The following CD48 variants were observed in gnomAD, a reference collection of about 807,000 sequenced individuals.
CD48 encodes the protein CD48 molecule.
CD48 carries 20 observed loss-of-function variants against 22.0 expected under a neutral mutation model. That is an observed-to-expected ratio of 0.91 (90% CI 0.64 to 1.32). CD48 has a LOEUF of 1.32. CD48 is among the 40% of genes most tolerant of loss of function. The probability of loss-of-function intolerance (pLI) is 0.00; values close to 1 mark genes in which losing one functional copy is unlikely to be tolerated. For missense variants in CD48, 307 were observed against 286.5 expected, an observed-to-expected ratio of 1.07 and a Z score of -0.52; for synonymous variants, 110 against 110.1, an observed-to-expected ratio of 1.00 and a Z score of 0.01.
At chr1:160,691,690 C>T (rs561436077) in intron 1 of CD48, 1 of 278,248 alleles carries the variant, frequency 3.6e-6, no homozygotes, top group Non-Finnish European at 6.6e-6. Flanking sequence ...TTTTTCTTTT[C>T]CAAGTCTCTC....
rs995541738 is a variant in CD48 at position 160,687,435 on chromosome 1, C to T, written c.83-2246G>A. Among the ~76,000 whole-genome samples the T allele has an allele frequency of 2.0e-5, 3 of 152,250 alleles. No homozygotes were observed. In the South Asian group the frequency reaches 6.2e-4, roughly 32 times the overall value. ...GCATAGGAAATCACAAGGGTATTGA[C>T]TGGGGAAGTGATAAGTGTCCATGAA... is the stretch of plus-strand genomic sequence containing the variant. On this transcript the variant is annotated intron_variant, in intron 1 of 3. Transcript: ENST00000368046.
intron 1 of CD48, chr1:160,692,103 T>TA (rs1662242894): frequency 6.5e-6 from 1 of 154,438 alleles, no homozygotes; most frequent in Admixed American, 6.5e-5. Context: ...AACAAGCAGG[T>TA]AGGAAGGGTA....
intron 1 of CD48, among the ~76,000 whole-genome samples, chr1:160,689,586 CAGG>C (rs1190813256): frequency 6.6e-6 from 1 of 152,136 alleles, no homozygotes; most frequent in Non-Finnish European, 1.5e-5. Context: ...GAAAAGTAAT[CAGG>C]AGAAGTGGGA....
intron 2 of CD48, among the ~76,000 whole-genome samples, chr1:160,682,739 G>A (rs1355406795): frequency 1.3e-5 from 2 of 152,168 alleles, no homozygotes; most frequent in East Asian, 3.9e-4. Flanking sequence ...TTTTTGAAGA[G>A]TGTAAGTATT....
intron 1 of CD48, among the ~76,000 whole-genome samples, chr1:160,710,543 G>A (rs565593973): frequency 6.6e-6 from 1 of 152,346 alleles, no homozygotes; most frequent in South Asian, 2.1e-4. Flanking sequence ...AAGGTCAACT[G>A]TCAGGATGTT....
intron 1 of CD48, among the ~76,000 whole-genome samples, chr1:160,711,329 G>A (rs908762947): frequency 2.0e-5 from 3 of 152,176 alleles, no homozygotes; most frequent in African/African-American, 7.2e-5. Context: ...GTGTGTCTGA[G>A]CATAAAATGC....
At chr1:160,694,142 G>C (rs1263700135) in intron 1 of CD48, among the ~76,000 whole-genome samples, 1 of 152,260 alleles carries the variant, frequency 6.6e-6, no homozygotes, top group Non-Finnish European at 1.5e-5. Flanking sequence ...AATTCAATTG[G>C]TTATTAGCTC....
chr1:160,708,818 G>A (rs1179490368), intron 1 of CD48, among the ~76,000 whole-genome samples: 2 of 152,036 alleles, frequency 1.3e-5, no homozygotes, highest in African/African-American at 2.4e-5. Context: ...GAGTAGGCTC[G>A]GTGATGGCTT....
chr1:160,711,809 C>A lies in CD48; in HGVS notation c.-46G>T, dbSNP rs1432229548. On this transcript the variant is annotated 5_prime_UTR_variant, in exon 1 of 4. In the 5' UTR this introduces an upstream ATG that the reference lacks. Coordinates refer to ENST00000368046, the MANE Select transcript of CD48 (RefSeq NM_001778.4). ...AGCAACGCAGGAGACAGTTGAGAGC[C>A]TGGCTAGAAAAAGGCCGGGGCTAAA... 6.9e-7 allele frequency: 1 copy of A among 1,450,356 alleles called. No homozygotes were observed. The highest frequency in any genetic ancestry group is 9.7e-7 in the Non-Finnish European group (1 of 1,034,572). 89.8% of individuals were successfully genotyped at this position (1,450,356 alleles called of 1,614,324 possible).
chr1:160,681,598 G>T, intron 2 of CD48, 130 bp from the exon 3 acceptor site: 1 of 1,177,110 alleles, frequency 8.5e-7, no homozygotes, highest in Non-Finnish European at 1.2e-6. Context: ...TGAAGAAGAA[G>T]TTCTACAGAG....
intron 1 of CD48, among the ~76,000 whole-genome samples, chr1:160,711,122 G>A (rs891114640): frequency 6.6e-6 from 1 of 152,144 alleles, no homozygotes; most frequent in Non-Finnish European, 1.5e-5. Flanking sequence ...ATGTGTTAAG[G>A]TTCCTTTGAT....
chr1:160,679,501 G>A (rs1052036160), intron 3 of CD48, among the ~76,000 whole-genome samples: 7 of 152,206 alleles, frequency 4.6e-5, no homozygotes, highest in African/African-American at 1.7e-4. Flanking sequence ...GAGAGAAAAG[G>A]ACCACTTCCT....
chr1:160,685,641 C>G (rs189721449), intron 1 of CD48, among the ~76,000 whole-genome samples: 32 of 152,070 alleles, frequency 2.1e-4, no homozygotes, highest in African/African-American at 7.5e-4. Context: ...TTTAATATAC[C>G]AATGTGGGAG....
chr1:160,681,432 A>G lies in CD48; in HGVS notation c.422T>C (p.Ile141Thr), dbSNP rs779219122. 12 of 1,613,982 alleles carry G rather than the reference A, an allele frequency of 7.4e-6. No homozygotes were observed. Among genetic ancestry groups the G allele is most frequent in the South Asian group, 3.3e-5 (3 of 91,064 alleles). The change falls in exon 3 of 4, where the codon ATA becomes ACA. Residue 141 changes from isoleucine (I) to threonine (T), a missense_variant. Transcript: ENST00000368046. ...ATAACAGTTGTCATCCATGTCTTCT[A>G]TCTTCTCAATTTTGATGACAGGCTT... ...VPKPVIKIEK[I>T]EDMDDNCYLK...
At chr1:160,689,472 T>A (rs1223963689) in intron 1 of CD48, among the ~76,000 whole-genome samples, 1 of 152,158 alleles carries the variant, frequency 6.6e-6, no homozygotes, top group Non-Finnish European at 1.5e-5. Context: ...AAATAAAACC[T>A]AGTGTAAGTG....
intron 2 of CD48, 56 bp downstream of exon 2, chr1:160,684,831 G>T: frequency 6.2e-7 from 1 of 1,614,020 alleles, no homozygotes; most frequent in Non-Finnish European, 8.5e-7. Flanking sequence ...AAGCCCTACA[G>T]TGGTCCATCT....
rs751295591 is a variant in CD48 at position 160,685,196 on chromosome 1, A to G, written c.83-7T>C. 61 of 1,598,924 alleles carry G rather than the reference A, an allele frequency of 3.8e-5. No individual in the cohort carries two copies. The highest frequency in any genetic ancestry group is 3.0e-4 in the Admixed American group (18 of 59,284). ...GTCATATGTACCAAGTGACCTGCCA[A>G]TGAGATTCAGAGTGAGACCTGCGCT... On this transcript the variant is annotated splice_polypyrimidine_tract_variant and splice_region_variant and intron_variant, in intron 1 of 3. Coordinates refer to ENST00000368046, the MANE Select transcript of CD48 (RefSeq NM_001778.4).
intron 1 of CD48, among the ~76,000 whole-genome samples, chr1:160,685,809 A>T (rs1458657656): frequency 6.6e-6 from 1 of 152,244 alleles, no homozygotes; most frequent in African/African-American, 2.4e-5. Flanking sequence ...AGATCAATTT[A>T]ACGTGTAAGC....
intron 1 of CD48, among the ~76,000 whole-genome samples, chr1:160,693,940 C>G (rs1372859714): frequency 6.6e-6 from 1 of 152,260 alleles, no homozygotes; most frequent in East Asian, 1.9e-4. Flanking sequence ...CCACAAGTGG[C>G]AGTGCAGCAG....
Sources: allele counts gnomAD v4.1 joint callset (sites outside exome capture counted in the v4.1 genomes callset), GRCh38; gene constraint gnomAD v4.1.1; transcripts MANE v1.5; gene names NCBI Gene and HGNC (gene_info 2026-07-23, HGNC 2026-07-21).